The following PITPNC1 variants were observed in gnomAD, a reference collection of about 807,000 sequenced individuals.
PITPNC1 encodes the protein cytoplasmic phosphatidylinositol transfer protein 1.
A neutral mutation model predicts 44.7 loss-of-function variants in PITPNC1; 18 were observed. The ratio of observed to expected loss-of-function variants is 0.40; its 90% CI spans 0.28 to 0.60. The LOEUF is 0.60. Ranked by LOEUF, PITPNC1 falls within the 20% of genes least tolerant of loss-of-function variation. PITPNC1 has a pLI of 0.39. For missense variants in PITPNC1, 290 were observed against 418.4 expected, an observed-to-expected ratio of 0.69 and a Z score of 2.68; for synonymous variants, 141 against 149.6, an observed-to-expected ratio of 0.94 and a Z score of 0.42.
chr17:67,395,911 C>T (rs554646658), intron 1 of PITPNC1, among the ~76,000 whole-genome samples: 1 of 152,268 alleles, frequency 6.6e-6, no homozygotes, highest in South Asian at 2.1e-4. Context: ...ATGACAAATG[C>T]TCATTTTTTA....
chr17:67,485,817 G>A (rs1312560928), intron 1 of PITPNC1, among the ~76,000 whole-genome samples: 2 of 152,134 alleles, frequency 1.3e-5, no homozygotes, highest in African/African-American at 4.8e-5. Flanking sequence ...AAGCTATCAC[G>A]CTGTATGAGC....
chr17:67,534,094 C>T (rs1433619941), intron 2 of PITPNC1, among the ~76,000 whole-genome samples: 2 of 151,920 alleles, frequency 1.3e-5, no homozygotes, highest in Non-Finnish European at 2.9e-5. Flanking sequence ...GGGATTCCAC[C>T]ATGTTGGCCA....
intron 5 of PITPNC1, chr17:67,612,408 C>T (rs2041698589): frequency 6.6e-6 from 1 of 152,284 alleles, no homozygotes; most frequent in Non-Finnish European, 1.5e-5. Context: ...CCTTCATACC[C>T]ACTATCTCAC....
intron 4 of PITPNC1, among the ~76,000 whole-genome samples, chr17:67,570,001 T>C (rs2041031241): frequency 1.3e-5 from 2 of 152,058 alleles, no homozygotes; most frequent in African/African-American, 2.4e-5. Flanking sequence ...ACTCACTGAT[T>C]TCCCCCAGGC....
At chr17:67,425,193 G>GCGCGCGCGCGCGCGCACACACACA (rs1160522771) in intron 1 of PITPNC1, among the ~76,000 whole-genome samples, 1 of 52,118 alleles carries the variant, frequency 1.9e-5, no homozygotes, top group African/African-American at 1.0e-4. Context: ...TTGTGCGCGC[G>GCGCGCGCGCGCGCGCACACACACA]CACGCACACG....
chr17:67,434,094 C>T (rs116319927), intron 1 of PITPNC1, among the ~76,000 whole-genome samples: 81 of 152,192 alleles, frequency 5.3e-4, no homozygotes, highest in African/African-American at 1.9e-3. Flanking sequence ...GCAGCAGAAG[C>T]TGTGGTTTAA....
intron 4 of PITPNC1, among the ~76,000 whole-genome samples, chr17:67,568,672 G>T (rs1028899247): frequency 6.6e-6 from 1 of 151,670 alleles, no homozygotes; most frequent in Non-Finnish European, 1.5e-5. Context: ...GCTATATTTT[G>T]GGGGGAAAAG....
At chr17:67,531,493 A>C (rs1040601608) in intron 1 of PITPNC1, among the ~76,000 whole-genome samples, 6 of 152,160 alleles carry the variant, frequency 3.9e-5, no homozygotes, top group Admixed American at 2.0e-4. Context: ...CTCGGTCCCC[A>C]GGGCTGGCTG....
At chr17:67,513,047 G>C (rs576020886) in intron 1 of PITPNC1, among the ~76,000 whole-genome samples, 1 of 151,962 alleles carries the variant, frequency 6.6e-6, no homozygotes, top group Non-Finnish European at 1.5e-5. Context: ...CAATCATATA[G>C]AAATCATATA....
At chr17:67,571,590 G>T (rs974202930) in intron 4 of PITPNC1, among the ~76,000 whole-genome samples, 2 of 152,220 alleles carry the variant, frequency 1.3e-5, no homozygotes, top group African/African-American at 2.4e-5. Flanking sequence ...CACCAGAAAT[G>T]CAGGGTCCTC....
chr17:67,661,765 G>A (rs752225002), intron 6 of PITPNC1, among the ~76,000 whole-genome samples: 1 of 152,168 alleles, frequency 6.6e-6, no homozygotes, highest in Non-Finnish European at 1.5e-5. Context: ...TTGGGAGGCC[G>A]AGGCAAGCGG....
chr17:67,637,895 AT>A, intron 6 of PITPNC1: 1 of 151,628 alleles, frequency 6.6e-6, no homozygotes, highest in Non-Finnish European at 1.5e-5. Flanking sequence ...AATTAGTGTG[AT>A]TTTTTTCAGG....
chr17:67,530,078 C>G (rs1216549806), intron 1 of PITPNC1, among the ~76,000 whole-genome samples: 2 of 149,428 alleles, frequency 1.3e-5, no homozygotes, highest in Non-Finnish European at 3.0e-5. Context: ...CGGACCTCAA[C>G]CCTTGGCTTT....
intron 6 of PITPNC1, among the ~76,000 whole-genome samples, chr17:67,651,705 C>G (rs1224856064): frequency 1.3e-5 from 2 of 152,156 alleles, no homozygotes; most frequent in African/African-American, 2.4e-5. Flanking sequence ...ACCCTCTCCC[C>G]TCACCCATCT....
At chr17:67,647,467 T>TTTTTTG (rs1555576633) in intron 6 of PITPNC1, among the ~76,000 whole-genome samples, 1 of 63,742 alleles carries the variant, frequency 1.6e-5, no homozygotes, top group African/African-American at 1.1e-4. Context: ...ATTTTGGGTT[T>TTTTTTG]TTTTTTTTTT....
chr17:67,514,434 C>T (rs1043944096), intron 1 of PITPNC1, among the ~76,000 whole-genome samples: 2 of 150,134 alleles, frequency 1.3e-5, no homozygotes, highest in Non-Finnish European at 3.0e-5. Context: ...CCCCTGACCT[C>T]AGGTGATCCG....
chr17:67,415,999 G>GCA (rs2038581586), intron 1 of PITPNC1, among the ~76,000 whole-genome samples: 1 of 152,028 alleles, frequency 6.6e-6, no homozygotes, highest in Non-Finnish European at 1.5e-5. Flanking sequence ...TCGTTAGGTT[G>GCA]AAGAACAATT....
In PITPNC1 at chr17:67,425,186, TGCGCGCGCAC is replaced by T. The variant is rs1165874742; in HGVS notation, c.48+46987_48+46996del. Among the ~76,000 whole-genome samples the T allele has an allele frequency of 5.4e-5, 3 of 55,718 alleles. No individual in the cohort carries two copies. The South Asian group carries it at 1.5e-3, about 28-fold the overall frequency. 36.6% of individuals were successfully genotyped at this position (55,718 alleles called of 152,430 possible). A position where few individuals can be genotyped will look rare whatever the true frequency, so the allele number is the denominator to read the frequency against. Reference sequence around the variant, plus strand: ...CCAGGTGAAATAAACAGCCATGTTGTGCGCGCGCACGCACACGCACACACACACACACACA... The same window carrying T: ...CCAGGTGAAATAAACAGCCATGTTGTGCACACGCACACACACACACACACA... On this transcript the variant is annotated intron_variant, in intron 1 of 8. Transcript: ENST00000581322.
At chr17:67,552,543 G>T (rs1262849020) in intron 3 of PITPNC1, among the ~76,000 whole-genome samples, 198 bp downstream of exon 3, 1 of 151,996 alleles carries the variant, frequency 6.6e-6, no homozygotes, top group Non-Finnish European at 1.5e-5. Context: ...TGACAGGGGG[G>T]TTAAGCTAAG....
Sources: allele counts gnomAD v4.1 joint callset (sites outside exome capture counted in the v4.1 genomes callset), GRCh38; gene constraint gnomAD v4.1.1; transcripts MANE v1.5; gene names NCBI Gene and HGNC (gene_info 2026-07-23, HGNC 2026-07-21).